ATG2A: variants seen among roughly 807,000 people sequenced by gnomAD.
ATG2A encodes the protein autophagy-related protein 2 homolog A.
In ATG2A, 103 loss-of-function variants were observed where a neutral mutation model predicts 214.2. That is an observed-to-expected ratio of 0.48 (90% CI 0.41 to 0.57). The LOEUF is 0.57. ATG2A is among the 20% of genes least tolerant of loss of function. The pLI, the probability that ATG2A is intolerant of heterozygous loss-of-function variation, is 0.00. For missense variants in ATG2A, 2,312 were observed against 2,613.2 expected (o/e 0.88, Z 2.51); for synonymous variants, 1,160 against 1,142.1 (o/e 1.02, Z -0.32).
chr11:64,913,224 A>C lies in ATG2A; in HGVS notation c.726+42T>G, dbSNP rs1944844964. On this transcript the variant is annotated intron_variant, in intron 5 of 40. Coordinates refer to ENST00000377264, the MANE Select transcript of ATG2A (RefSeq NM_015104.3). The surrounding 1 kb of genome is among the most constrained non-coding windows in gnomAD (Gnocchi z 4.3). ...GGATGGGAGGGGCTCAATGGGCTCA[A>C]GGGAGAGGAGACAGGGGCTGTGGGA... is the stretch of plus-strand genomic sequence containing the variant. 4 of 1,612,186 alleles carry C rather than the reference A, an allele frequency of 2.5e-6. No homozygotes were observed. The East Asian group carries it at 8.9e-5, about 36-fold the overall frequency.
Position 64,898,464 on chromosome 11 carries a change from C to T in ATG2A, c.4672-102G>A, listed in dbSNP as rs535914611. ...CACCCAGCCACCCTGCCTCTGAACA[C>T]GCTGTTCCCTTCGCTAACACAGCCC... On this transcript the variant is annotated intron_variant, in intron 32 of 40. Coordinates refer to ENST00000377264, the MANE Select transcript of ATG2A (RefSeq NM_015104.3). This position sits in a 1 kb window ranked among gnomAD's most constrained non-coding sequence, Gnocchi z 4.5. The T allele has an allele frequency of 1.3e-5, 17 of 1,332,122 alleles. No individual in the cohort carries two copies. The highest frequency in any genetic ancestry group is 4.3e-5 in the Admixed American group (2 of 46,132). 82.5% of individuals were successfully genotyped at this position (1,332,122 alleles called of 1,614,324 possible). A position where few individuals can be genotyped will look rare whatever the true frequency, so the allele number is the denominator to read the frequency against.
rs1375653380 is a variant in ATG2A at position 64,897,405 on chromosome 11, G to A, written c.5150+7C>T. ...CCTGGAGAGAGGCTGGGGTGCTGGG[G>A]ACTCACCCGTGCCTGCAACAGAGCC... On this transcript the variant is annotated splice_region_variant and intron_variant, in intron 37 of 40. Transcript: ENST00000377264. 1 of 1,558,546 alleles carries A rather than the reference G, an allele frequency of 6.4e-7. No homozygotes were observed. The highest frequency in any genetic ancestry group is 8.7e-7 in the Non-Finnish European group (1 of 1,150,902).
At chr11:64,900,426 T>C (rs1944311377) in intron 31 of ATG2A, 68 bp downstream of exon 31, 1 of 1,606,656 alleles carries the variant, frequency 6.2e-7, no homozygotes, top group Non-Finnish European at 8.5e-7. Flanking sequence ...TTGCTACACG[T>C]GACATCGAGA....
chr11:64,898,355 A>G lies in ATG2A; in HGVS notation c.4679T>C (p.Ile1560Thr). 1 of 1,602,368 alleles carries G rather than the reference A, an allele frequency of 6.2e-7. No homozygotes were observed. The highest frequency in any genetic ancestry group is 1.3e-5 in the African/African-American group (1 of 74,354). ...AGTGGGGGCCACATGCAGCGCTTTG[A>G]TGGTGAGCTGGGAGCAGAGGGTGAG... ...PRRAHSNMLTIKALHVAPTTN... is the reference protein window; with the variant it reads ...PRRAHSNMLTTKALHVAPTTN... The change falls in exon 33 of 41, where the codon ATC becomes ACC. Residue 1560 changes from isoleucine (I) to threonine (T), a missense_variant. Physicochemically the swap from Ile to Thr is moderately conservative, Grantham distance 89. Transcript: ENST00000377264. The surrounding 1 kb of genome is among the most constrained non-coding windows in gnomAD (Gnocchi z 4.5).
rs1184596051 is a variant in ATG2A at position 64,902,348 on chromosome 11, T to TG, written c.3815dup (p.Val1273SerfsTer10). On this transcript the variant is annotated frameshift_variant, in exon 28 of 41. Coordinates refer to ENST00000377264, the MANE Select transcript of ATG2A (RefSeq NM_015104.3). LOFTEE classifies it high-confidence loss of function. ...GCTGGTTGATGAGGGCCGTCTCCAC[T>TG]GGGGGGCACGAGGGCAGAGAGGCAG... 4 of 1,603,754 alleles carry TG rather than the reference T, an allele frequency of 2.5e-6. No homozygotes were observed. Among genetic ancestry groups the TG allele is most frequent in the Non-Finnish European group, 2.6e-6 (3 of 1,176,172 alleles).
chr11:64,894,923 G>A lies in ATG2A; in HGVS notation c.*50C>T, dbSNP rs765062881. ...GGCCCGTGGGCTGCAGCTCTTGGGA[G>A]GCTCAGGAGCATGGTGGGCAGCACC... On this transcript the variant is annotated 3_prime_UTR_variant, in exon 41 of 41. Transcript: ENST00000377264. The A allele has an allele frequency of 8.1e-6, 13 of 1,599,102 alleles. No homozygotes were observed. In the South Asian group the frequency reaches 1.4e-4, roughly 18 times the overall value.
In ATG2A at chr11:64,911,083, T is replaced by C; in HGVS notation, c.1421A>G (p.His474Arg). The C allele has an allele frequency of 1.2e-6, 2 of 1,613,882 alleles. No homozygotes were observed. The highest frequency in any genetic ancestry group is 1.7e-6 in the Non-Finnish European group (2 of 1,179,982). Residue 474 changes from histidine to arginine, a missense_variant, in exon 10 of 41, where the codon CAC (histidine) becomes CGC (arginine). Physicochemically the swap from His to Arg is conservative, Grantham distance 29 (BLOSUM62 0). Transcript: ENST00000377264. ...DGPFGSRDFHHLRPRFQRACP... is the reference protein window; with the variant it reads ...DGPFGSRDFHRLRPRFQRACP... ...GGCCCTCTGGAAGCGTGGTCGAAGG[T>C]GATGGAAGTCTCGGGAACCGAAGGG...
chr11:64,911,409 C>G, intron 9 of ATG2A, 134 bp from the exon 10 acceptor site: 2 of 893,136 alleles, frequency 2.2e-6, no homozygotes, highest in South Asian at 3.2e-5. Flanking sequence ...AAGGCTTGGT[C>G]AGGCAGGGGT....
chr11:64,912,158 C>T lies in ATG2A; in HGVS notation c.1014G>A (p.Leu338=), dbSNP rs1460566235. The change falls in exon 8 of 41, where the codon CTG becomes CTA. Residue 338 remains leucine, a synonymous_variant. Coordinates refer to ENST00000377264, the MANE Select transcript of ATG2A (RefSeq NM_015104.3). ...GGGGCTCAGCCACTGCCCCTGCCTG[C>T]AGCTGCTGGTTCAGGTCCTGCTCAA... ...WLIEQDLNQQ[L]QAGAVAEPLS... is the part of the protein sequence containing the mutation. 2 of 1,613,998 alleles carry T rather than the reference C, an allele frequency of 1.2e-6. No homozygotes were observed. Among genetic ancestry groups the T allele is most frequent in the South Asian group, 1.1e-5 (1 of 91,088 alleles).
chr11:64,916,909 C>T, intron 1 of ATG2A, 56 bp downstream of exon 1: 1 of 1,598,252 alleles, frequency 6.3e-7, no homozygotes, highest in Non-Finnish European at 8.5e-7. Context: ...CAGGGAGCCT[C>T]AGGTCGCTGC....
intron 27 of ATG2A, 56 bp downstream of exon 27, chr11:64,902,460 C>A: frequency 6.5e-7 from 1 of 1,530,784 alleles, no homozygotes; most frequent in Non-Finnish European, 8.8e-7. Flanking sequence ...AGGGCCATGG[C>A]AGGGGAGGGG....
Position 64,907,259 on chromosome 11 carries a change from G to A in ATG2A, c.2828C>T (p.Thr943Ile), listed in dbSNP as rs1320092653. 1 of 1,503,782 alleles carries A rather than the reference G, an allele frequency of 6.6e-7. No individual in the cohort carries two copies. Among genetic ancestry groups the A allele is most frequent in the Admixed American group, 2.3e-5 (1 of 42,784 alleles). 93.2% of individuals were successfully genotyped at this position (1,503,782 alleles called of 1,614,324 possible). Residue 943 changes from threonine (T) to isoleucine (I), a missense_variant, in exon 19 of 41, where the codon ACC (threonine) becomes ATC (isoleucine). By Grantham distance (89) the Thr-to-Ile change is moderately conservative (BLOSUM62 -1). Coordinates refer to ENST00000377264, the MANE Select transcript of ATG2A (RefSeq NM_015104.3). ...CCTGCCCGGGGCTGCACTCACCTTG[G>A]TCTCACAGAGGGCTGTGATCCGCCC... is the stretch of plus-strand genomic sequence containing the variant. ...LKGRITALCE[T>I]KDEGGKRLEA...
In ATG2A at chr11:64,913,723, C is replaced by G. The variant is rs540139036; in HGVS notation, c.590+98G>C. 1 of 1,264,296 alleles carries G rather than the reference C, an allele frequency of 7.9e-7. No homozygotes were observed. Among genetic ancestry groups the G allele is most frequent in the South Asian group, 1.3e-5 (1 of 79,464 alleles). 78.3% of individuals were successfully genotyped at this position (1,264,296 alleles called of 1,614,324 possible). A position where few individuals can be genotyped will look rare whatever the true frequency, so the allele number is the denominator to read the frequency against. On this transcript the variant is annotated intron_variant, in intron 4 of 40. Coordinates refer to ENST00000377264, the MANE Select transcript of ATG2A (RefSeq NM_015104.3). This position sits in a 1 kb window ranked among gnomAD's most constrained non-coding sequence, Gnocchi z 4.3. ...CCACCGAGGCCCATCCAGATCCACC[C>G]TGCCTCTTCCCAGGAACCTAGGCTG...
At position 64,900,983 on chromosome 11, in the gene ATG2A, G is replaced by A; in HGVS notation, c.4229C>T (p.Ala1410Val). The A allele has an allele frequency of 6.3e-7, 1 of 1,587,954 alleles. No individual in the cohort carries two copies. The highest frequency in any genetic ancestry group is 1.8e-5 in the Admixed American group (1 of 56,908). ...IGSTDLLRAP[A>V]HFPVPSTRVV... Reference sequence around the variant, plus strand: ...CCGAGTGCTGGGCACTGGGAAATGGGCAGGTGCCCGCAGCAAGTCCGTGCT... The same window carrying A: ...CCGAGTGCTGGGCACTGGGAAATGGACAGGTGCCCGCAGCAAGTCCGTGCT... Residue 1410 changes from alanine (A) to valine (V), a missense_variant, in exon 30 of 41, where the codon GCC (alanine) becomes GTC (valine). Ala to Val is a moderately conservative substitution (Grantham distance 64). Transcript: ENST00000377264.
Position 64,897,474 on chromosome 11 carries a change from G to T in ATG2A, c.5088C>A (p.Leu1696=). The change falls in exon 37 of 41, where the codon CTC becomes CTA. Residue 1696 remains leucine (L), a synonymous_variant. Transcript: ENST00000377264. ...MDQVGTFAGL[L]IGLAQLNCSE... ...AGCAGTTGAGTTGGGCCAGGCCGAT[G>T]AGGAGGCCAGCAAAAGTGCCCTGGG... The T allele has an allele frequency of 6.3e-7, 1 of 1,578,958 alleles. No homozygotes were observed. The highest frequency in any genetic ancestry group is 1.2e-5 in the South Asian group (1 of 86,530).
Position 64,911,149 on chromosome 11 carries a change from G to A in ATG2A, c.1355C>T (p.Ala452Val). Reference protein sequence around the residue: ...SAPSSGPPDLATHFFTEFDAT... With the variant: ...SAPSSGPPDLVTHFFTEFDAT... ...ATCAAACTCGGTGAAAAAGTGCGTG[G>A]CGAGGTCAGGTGGTCCGGAAGATGG... is the stretch of plus-strand genomic sequence containing the variant. The change falls in exon 10 of 41, where the codon GCC becomes GTC. Residue 452 changes from alanine (A) to valine (V), a missense_variant. Coordinates refer to ENST00000377264, the MANE Select transcript of ATG2A (RefSeq NM_015104.3). 8 of 1,614,156 alleles carry A rather than the reference G, an allele frequency of 5.0e-6. No homozygotes were observed. The highest frequency in any genetic ancestry group is 5.9e-6 in the Non-Finnish European group (7 of 1,180,026).
At chr11:64,901,846 C>T in intron 29 of ATG2A, 116 bp downstream of exon 29, 1 of 1,236,314 alleles carries the variant, frequency 8.1e-7, no homozygotes. Context: ...CACCTCCTGC[C>T]TGCTTCTCTC....
rs1168011012 is a variant in ATG2A, at chr11:64,894,985, A to G, written c.5805T>C (p.Ser1935=). 4 of 1,612,230 alleles carry G rather than the reference A, an allele frequency of 2.5e-6. No homozygotes were observed. Among genetic ancestry groups the G allele is most frequent in the Non-Finnish European group, 3.4e-6 (4 of 1,179,016 alleles). ...GGGCACCCCAGGCTCAGTCTTGGGC[A>G]CTGTCCGAGCGCCACTTGAGGGCGT... is the stretch of plus-strand genomic sequence containing the variant. ...KDHALKWRSD[S]AQD Residue 1935 remains serine, a synonymous_variant, in exon 41 of 41, where the codon AGT becomes AGC. Coordinates refer to ENST00000377264, the MANE Select transcript of ATG2A (RefSeq NM_015104.3).
In ATG2A at chr11:64,895,410, G is replaced by T. The variant is rs937396540; in HGVS notation, c.5460C>A (p.Ser1820=). Residue 1820 remains serine, a synonymous_variant, in exon 40 of 41, where the codon TCC becomes TCA. Transcript: ENST00000377264. This position sits in a 1 kb window ranked among gnomAD's most constrained non-coding sequence, Gnocchi z 5.0. Reference sequence around the variant, plus strand: ...GGGAGCGGGAGACGGGGGCTGCCGGGGACAGGATGTCATACACGGTCTCAG... The same window carrying T: ...GGGAGCGGGAGACGGGGGCTGCCGGTGACAGGATGTCATACACGGTCTCAG... ...ATAETVYDIL[S]PAAPVSRSLQ... 6.2e-7 allele frequency: 1 copy of T among 1,605,382 alleles called. No individual in the cohort carries two copies. Among genetic ancestry groups the T allele is most frequent in the Non-Finnish European group, 8.5e-7 (1 of 1,175,524 alleles).
Sources: gnomAD v4.1 joint callset for allele counts on GRCh38, gnomAD v4.1.1 for gene constraint, Gnocchi (gnomAD v3.1) non-coding constraint, MANE v1.5 for transcripts, NCBI Gene and HGNC (gene_info 2026-07-23, HGNC 2026-07-21) for gene names.